MBD5: variants seen among roughly 807,000 people sequenced by gnomAD.
MBD5 encodes the protein methyl-CpG-binding domain protein 5.
MBD5 carries 13 observed loss-of-function variants against 117.3 expected under a neutral mutation model. The ratio of observed to expected loss-of-function variants is 0.11; its 90% confidence interval spans 0.07 to 0.18. The LOEUF is 0.18. MBD5 is among the 10% of genes least tolerant of loss of function. The pLI is 1.00. For missense variants in MBD5, 1,879 were observed against 2,093.8 expected, an observed-to-expected ratio of 0.90 and a Z score of 2.00; for synonymous variants, 727 against 766.4, an observed-to-expected ratio of 0.95 and a Z score of 0.85.
In MBD5 at chr2:148,515,690, G is replaced by T. The variant is rs1363125664; in HGVS notation, c.*2749G>T. 6.6e-6 allele frequency: 1 copy of T among 152,084 alleles called. No individual in the cohort carries two copies. Among genetic ancestry groups the T allele is most frequent in the African/African-American group, 2.4e-5 (1 of 41,422 alleles). The allele number at this position is 152,084 out of a possible 1,614,324, so 9.4% of individuals were successfully genotyped here. A position where few individuals can be genotyped will look rare whatever the true frequency, so the allele number is the denominator to read the frequency against. On this transcript the variant is annotated 3_prime_UTR_variant, in exon 14 of 14. Coordinates refer to ENST00000642680, the MANE Select transcript of MBD5 (RefSeq NM_001378120.1). ...TTTTTAAGAAACAAATCCAAGAATG[G>T]AAACAGATGAAAAATTTTTTCTTCT...
intron 3 of MBD5, among the ~76,000 whole-genome samples, chr2:148,301,003 T>C (rs990659471): frequency 1.6e-4 from 24 of 152,234 alleles, no homozygotes; most frequent in Non-Finnish European, 2.9e-4. Flanking sequence ...TGAAGAATTC[T>C]GTGAGGTGTT....
chr2:148,497,146 A>G (rs1681726944), intron 11 of MBD5, among the ~76,000 whole-genome samples: 1 of 151,932 alleles, frequency 6.6e-6, no homozygotes, highest in South Asian at 2.1e-4. Context: ...TCAGAGCTAT[A>G]TTTCCCAGAC....
rs183889501 is a variant in MBD5, at chr2:148,138,531, G to T, written c.-924-40169G>T. Reference sequence around the variant, plus strand: ...GTGACTTATACTTGTATAGAAGAATGTCACCTCGGGAAAGATAATGGAGAA... The same window carrying T: ...GTGACTTATACTTGTATAGAAGAATTTCACCTCGGGAAAGATAATGGAGAA... On this transcript the variant is annotated intron_variant, in intron 1 of 13. Transcript: ENST00000642680. Among the ~76,000 whole-genome samples, 732 of 152,282 alleles carry T rather than the reference G, an allele frequency of 4.8e-3. 1 individual carries two copies. Among genetic ancestry groups the T allele is most frequent in the Non-Finnish European group, 8.9e-3 (602 of 68,018 alleles).
At chr2:148,383,716 A>T (rs763760726) in intron 4 of MBD5, among the ~76,000 whole-genome samples, 96 of 152,282 alleles carry the variant, frequency 6.3e-4, no homozygotes, top group Non-Finnish European at 1.1e-3. Context: ...CTTCAATAAA[A>T]TACTGGCAAA....
intron 1 of MBD5, among the ~76,000 whole-genome samples, chr2:148,065,121 G>A (rs556405204): frequency 6.6e-6 from 1 of 152,232 alleles, no homozygotes; most frequent in African/African-American, 2.4e-5. Context: ...AAGATTAGGG[G>A]TTTGATAGCT....
chr2:148,406,056 G>C (rs1024188502), intron 4 of MBD5, among the ~76,000 whole-genome samples: 2 of 152,144 alleles, frequency 1.3e-5, no homozygotes, highest in Non-Finnish European at 2.9e-5. Context: ...TTAGCCAGGA[G>C]TGGTGGTACA....
At chr2:148,152,605 T>G (rs1697712630) in intron 1 of MBD5, among the ~76,000 whole-genome samples, 1 of 152,186 alleles carries the variant, frequency 6.6e-6, no homozygotes, top group South Asian at 2.1e-4. Context: ...AGGACTTGCT[T>G]TATGAATCTG....
chr2:148,462,552 T>C (rs1338209532), intron 5 of MBD5, 30 bp from the exon 6 acceptor site: 4 of 1,358,372 alleles, frequency 2.9e-6, no homozygotes, highest in Non-Finnish European at 4.2e-6. Flanking sequence ...CAAAATTATT[T>C]CCTGATGTTT....
At chr2:148,031,319 G>C (rs1694032791) in intron 1 of MBD5, among the ~76,000 whole-genome samples, 1 of 146,374 alleles carries the variant, frequency 6.8e-6, no homozygotes, top group Non-Finnish European at 1.5e-5. Context: ...ACATTAAACT[G>C]AGTGTGTAAA....
intron 4 of MBD5, among the ~76,000 whole-genome samples, chr2:148,433,287 A>G (rs1480868824): frequency 6.6e-6 from 1 of 152,168 alleles, no homozygotes; most frequent in Admixed American, 6.6e-5. Context: ...ATATAAAATC[A>G]TGTCATCTGC....
intron 13 of MBD5, 85 bp downstream of exon 13, chr2:148,510,220 T>A: frequency 1.1e-6 from 1 of 940,222 alleles, no homozygotes; most frequent in Non-Finnish European, 1.7e-6. Flanking sequence ...TTGAGTATTG[T>A]CAAACAACTC....
intron 2 of MBD5, among the ~76,000 whole-genome samples, chr2:148,210,635 TTATTA>T (rs565022401): frequency 3.9e-5 from 6 of 152,160 alleles, no homozygotes; most frequent in African/African-American, 1.4e-4. Context: ...AGTAATCATC[TTATTA>T]TATTATAAAT....
chr2:148,346,863 C>G (rs1703135302), intron 4 of MBD5: 2 of 149,298 alleles, frequency 1.3e-5, no homozygotes, highest in South Asian at 4.2e-4. Flanking sequence ...TTTGATGTTT[C>G]TTTGTACCTT....
At chr2:148,335,509 A>C (rs1430924795) in intron 3 of MBD5, among the ~76,000 whole-genome samples, 3 of 152,128 alleles carry the variant, frequency 2.0e-5, no homozygotes, top group Non-Finnish European at 4.4e-5. Flanking sequence ...GCTTGAACCC[A>C]GGAGTATGAG....
intron 1 of MBD5, among the ~76,000 whole-genome samples, chr2:148,043,632 G>A (rs921870806): frequency 6.6e-6 from 1 of 152,070 alleles, no homozygotes; most frequent in Non-Finnish European, 1.5e-5. Context: ...CCTAGAAGCA[G>A]GTTTTCTTAT....
intron 4 of MBD5, among the ~76,000 whole-genome samples, chr2:148,343,280 A>G (rs976564864): frequency 3.3e-5 from 5 of 151,922 alleles, no homozygotes; most frequent in African/African-American, 9.7e-5. Flanking sequence ...TTGCTTTTGG[A>G]TATGTACCAA....
At chr2:148,057,567 G>A (rs1694903785) in intron 1 of MBD5, among the ~76,000 whole-genome samples, 3 of 151,850 alleles carry the variant, frequency 2.0e-5, no homozygotes, top group East Asian at 3.9e-4. Flanking sequence ...GTCATGGAAT[G>A]TGGACTGTAT....
intron 1 of MBD5, among the ~76,000 whole-genome samples, chr2:148,093,201 G>A (rs556707029): frequency 2.6e-5 from 4 of 152,198 alleles, no homozygotes; most frequent in South Asian, 2.1e-4. Flanking sequence ...GTGAGCCACC[G>A]CACCTGGCTG....
In MBD5 at chr2:148,458,636, G is replaced by A. The variant is rs911168725; in HGVS notation, c.-123G>A. ...AAACTGAGCTGAAGCTTCCCAATGC[G>A]TTTTGTACAGTCTGGGAAAAACTGT... On this transcript the variant is annotated 5_prime_UTR_variant, in exon 5 of 14. Transcript: ENST00000642680. 20 of 809,208 alleles carry A rather than the reference G, an allele frequency of 2.5e-5. No homozygotes were observed. The highest frequency in any genetic ancestry group is 8.4e-5 in the African/African-American group (5 of 59,410). 50.1% of individuals were successfully genotyped at this position (809,208 alleles called of 1,614,324 possible).
Sources: allele counts gnomAD v4.1 joint callset (sites outside exome capture counted in the v4.1 genomes callset), GRCh38; gene constraint gnomAD v4.1.1; transcripts MANE v1.5; gene names NCBI Gene and HGNC (gene_info 2026-07-23, HGNC 2026-07-21).